Variants in CRTAP observed in about 807,000 individuals in gnomAD.
CRTAP encodes cartilage-associated protein.
CRTAP carries 33 observed loss-of-function variants against 42.7 expected under a neutral mutation model. The observed-to-expected ratio is 0.77, with a 90% CI of 0.59 to 1.03. The LOEUF is 1.03. Among genes scored for constraint, CRTAP ranks in the 50% least tolerant of loss-of-function variants. CRTAP has a pLI of 0.00. For synonymous variants in CRTAP, 243 were observed against 217.7 expected (o/e 1.12, Z -1.02); for missense variants, 613 against 533.9 (o/e 1.15, Z -1.46).
chr3:33,124,678 T>G, intron 3 of CRTAP, 99 bp downstream of exon 3: 1 of 1,433,952 alleles, frequency 7.0e-7, no homozygotes, highest in Non-Finnish European at 9.8e-7. Flanking sequence ...GAGCAGCCTC[T>G]GAGGAATTTT....
chr3:33,120,880 A>G (rs1450219750), intron 2 of CRTAP, among the ~76,000 whole-genome samples: 1 of 152,218 alleles, frequency 6.6e-6, no homozygotes, highest in African/African-American at 2.4e-5. Context: ...CTTGCACACA[A>G]ACGCACCCTA....
intron 4 of CRTAP, among the ~76,000 whole-genome samples, chr3:33,130,850 G>C (rs1201968079): frequency 6.6e-6 from 1 of 152,126 alleles, no homozygotes; most frequent in East Asian, 1.9e-4. Flanking sequence ...TTTCATTCTA[G>C]TTGGTCCTCC....
At position 33,142,392 on chromosome 3, in the gene CRTAP, C is replaced by G. The variant is rs201554363; in HGVS notation, c.1153-3C>G. 4.3e-6 allele frequency: 7 copies of G among 1,613,626 alleles called. No individual in the cohort carries two copies. In the East Asian group the frequency reaches 1.3e-4, roughly 31 times the overall value. On this transcript the variant is annotated splice_region_variant and splice_polypyrimidine_tract_variant and intron_variant, in intron 6 of 6. Transcript: ENST00000320954. ...AATAAAGTTGTCCTGTTGTCTCTTA[C>G]AGGGAGAAGTTGTGGAATATGTGGA...
intron 3 of CRTAP, among the ~76,000 whole-genome samples, 154 bp downstream of exon 3, chr3:33,124,733 A>G (rs1255056435): frequency 6.6e-6 from 1 of 152,254 alleles, no homozygotes; most frequent in African/African-American, 2.4e-5. Flanking sequence ...CACCACCTGC[A>G]TAGATAAACC....
At chr3:33,118,155 T>G (rs1440588747) in intron 1 of CRTAP, among the ~76,000 whole-genome samples, 1 of 151,982 alleles carries the variant, frequency 6.6e-6, no homozygotes, top group African/African-American at 2.4e-5. Context: ...GAGATGGGGT[T>G]TCATCATCTT....
intron 5 of CRTAP, among the ~76,000 whole-genome samples, 181 bp from the exon 6 acceptor site, chr3:33,134,001 C>T (rs1378104624): frequency 6.6e-6 from 1 of 152,150 alleles, no homozygotes; most frequent in Non-Finnish European, 1.5e-5. Flanking sequence ...ATAGAATTCA[C>T]CTTTTTAAAG....
chr3:33,135,254 A>T (rs556594718), intron 6 of CRTAP, among the ~76,000 whole-genome samples: 1 of 152,336 alleles, frequency 6.6e-6, no homozygotes, highest in Non-Finnish European at 1.5e-5. Context: ...GGATCCCAAG[A>T]TGCCACAGGG....
chr3:33,118,733 T>C (rs1161018699), intron 1 of CRTAP, among the ~76,000 whole-genome samples: 2 of 152,224 alleles, frequency 1.3e-5, no homozygotes, highest in African/African-American at 2.4e-5. Flanking sequence ...CCTACTAGGT[T>C]GTGCCAAGAG....
chr3:33,134,117 C>G, intron 5 of CRTAP, 65 bp from the exon 6 acceptor site: 1 of 1,100,940 alleles, frequency 9.1e-7, no homozygotes, highest in Non-Finnish European at 1.4e-6. Flanking sequence ...TCCTGTTCCT[C>G]CCTCCTCCCA....
chr3:33,127,636 C>T (rs1002677087), intron 3 of CRTAP, among the ~76,000 whole-genome samples: 6 of 151,884 alleles, frequency 4.0e-5, no homozygotes, highest in Non-Finnish European at 5.9e-5. Flanking sequence ...TTAGTAGAGA[C>T]GGGGTTTCAC....
chr3:33,122,288 G>C (rs748442041), intron 2 of CRTAP, among the ~76,000 whole-genome samples: 12 of 152,018 alleles, frequency 7.9e-5, no homozygotes, highest in Middle Eastern at 3.4e-3. Context: ...TGCTGCTGCT[G>C]CCCCGCTGCT....
Position 33,146,846 on chromosome 3 carries a change from C to T in CRTAP, c.*4398C>T, listed in dbSNP as rs143627395. 7.2e-5 allele frequency: 11 copies of T among 152,042 alleles called. No homozygotes were observed. The East Asian group carries it at 1.9e-3, about 27-fold the overall frequency. The allele number at this position is 152,042 out of a possible 1,614,324, so 9.4% of individuals were successfully genotyped here. A position where few individuals can be genotyped will look rare whatever the true frequency, so the allele number is the denominator to read the frequency against. ...TTTCTGCCAACATTTATGGAAATAA[C>T]GTTTCTAGGTTTTAAATGTGAGCCG... On this transcript the variant is annotated 3_prime_UTR_variant, in exon 7 of 7. Coordinates refer to ENST00000320954, the MANE Select transcript of CRTAP (RefSeq NM_006371.5).
At chr3:33,122,515 G>A (rs1440905071) in intron 2 of CRTAP, among the ~76,000 whole-genome samples, 1 of 151,688 alleles carries the variant, frequency 6.6e-6, no homozygotes. Context: ...AAGACCAGCT[G>A]GGGCAAGATG....
intron 1 of CRTAP, among the ~76,000 whole-genome samples, chr3:33,119,764 G>T (rs570848992): frequency 6.6e-6 from 1 of 152,202 alleles, no homozygotes; most frequent in Admixed American, 6.5e-5. Flanking sequence ...AGTGCATGGG[G>T]AATCCACAAG....
rs1170836959 is a variant in CRTAP, at chr3:33,132,637, G to C, written c.1005G>C (p.Leu335=). The change falls in exon 5 of 7, where the codon CTG becomes CTC. Residue 335 remains leucine, a synonymous_variant. Transcript: ENST00000320954. The part of the protein sequence containing the change: ...DQNDKVMQQN[L]VYYQYHRDTW... ...ATGACAAGGTCATGCAGCAGAACCTGGTGTATTACCAGTACCACAGGGACA... is the reference window on the plus strand; with the variant it reads ...ATGACAAGGTCATGCAGCAGAACCTCGTGTATTACCAGTACCACAGGGACA... The C allele has an allele frequency of 1.9e-6, 3 of 1,614,172 alleles. No individual in the cohort carries two copies. The highest frequency in any genetic ancestry group is 2.7e-5 in the African/African-American group (2 of 75,060).
intron 6 of CRTAP, among the ~76,000 whole-genome samples, chr3:33,138,814 C>G (rs2030494201): frequency 1.3e-5 from 2 of 152,106 alleles, no homozygotes; most frequent in South Asian, 4.1e-4. Context: ...TGAGACCAGC[C>G]TGGGCAACAT....
At position 33,134,172 on chromosome 3, in the gene CRTAP, G is replaced by T; in HGVS notation, c.1069-10G>T. ...GGTCCTATAAACTGTTCTCTGTTGT[G>T]TCTGAACAGGAAGCAGTTCAGTTCT... is the stretch of plus-strand genomic sequence containing the variant. On this transcript the variant is annotated splice_polypyrimidine_tract_variant and intron_variant, in intron 5 of 6. Coordinates refer to ENST00000320954, the MANE Select transcript of CRTAP (RefSeq NM_006371.5). 6.2e-7 allele frequency: 1 copy of T among 1,601,750 alleles called. No individual in the cohort carries two copies. The highest frequency in any genetic ancestry group is 1.1e-5 in the South Asian group (1 of 90,820).
At chr3:33,115,154 C>T (rs566277491) in intron 1 of CRTAP, 42 of 152,268 alleles carry the variant, frequency 2.8e-4, no homozygotes, top group Non-Finnish European at 5.9e-4. Flanking sequence ...CCACGTTGCC[C>T]AGGCTGATCT....
intron 3 of CRTAP, among the ~76,000 whole-genome samples, chr3:33,125,784 C>T (rs1165134878): frequency 6.6e-6 from 1 of 152,116 alleles, no homozygotes. Context: ...ACTATTACCC[C>T]TGTAAGAATT....
Sources: allele counts gnomAD v4.1 joint callset (sites outside exome capture counted in the v4.1 genomes callset), GRCh38; gene constraint gnomAD v4.1.1; transcripts MANE v1.5; gene names NCBI Gene and HGNC (gene_info 2026-07-23, HGNC 2026-07-21).